CIITA: variants seen among roughly 807,000 people sequenced by gnomAD.
CIITA encodes the protein class II major histocompatibility complex transactivator.
A neutral mutation model predicts 115.1 loss-of-function variants in CIITA; 72 were observed. That is an observed-to-expected ratio of 0.63 (90% CI 0.52 to 0.76). The LOEUF (loss-of-function observed/expected upper bound fraction) is 0.76. Among genes scored for constraint, CIITA ranks in the 30% least tolerant of loss-of-function variants. The pLI, the probability that CIITA is intolerant of heterozygous loss-of-function variation, is 0.00. For synonymous variants in CIITA, 763 were observed against 635.6 expected (o/e 1.20, Z -3.02); for missense variants, 1,617 against 1,463.8 (o/e 1.10, Z -1.71).
At chr16:10,940,891 C>T (rs1284826062), downstream of CIITA, 1 of 152,378 alleles carries the variant, frequency 6.6e-6, no homozygotes, top group Non-Finnish European at 1.5e-5. This position sits in a 1 kb window ranked among gnomAD's most constrained non-coding sequence, Gnocchi z 4.2. Flanking sequence ...CGAGCCCTGG[C>T]ACCAGCTCCC....
At chr16:10,876,712 T>G (rs1169627317), upstream of CIITA, among the ~76,000 whole-genome samples, 1 of 152,222 alleles carries the variant, frequency 6.6e-6, no homozygotes, top group Non-Finnish European at 1.5e-5. Context: ...TCCAATGTCT[T>G]GGGATGAAAA....
At chr16:10,914,240 T>A (rs1452914978) in intron 13 of CIITA, among the ~76,000 whole-genome samples, 1 of 152,044 alleles carries the variant, frequency 6.6e-6, no homozygotes, top group Non-Finnish European at 1.5e-5. Flanking sequence ...TGGGGTGAAA[T>A]ATTTGAGGAG....
intron 13 of CIITA, among the ~76,000 whole-genome samples, chr16:10,910,653 GA>G (rs912671016): frequency 2.0e-5 from 3 of 152,212 alleles, no homozygotes; most frequent in Non-Finnish European, 4.4e-5. Flanking sequence ...GCTGAGTGGG[GA>G]GAGGGGAGTA....
At position 10,881,930 on chromosome 16, in the gene CIITA, CT is replaced by C. The variant is rs543310877; in HGVS notation, c.52+4553del. 2.6e-5 allele frequency among the ~76,000 whole-genome samples: 4 copies of C among 152,250 alleles called. No individual in the cohort carries two copies. In the East Asian group the frequency reaches 7.7e-4, roughly 29 times the overall value. ...ATAAATAGAATTACGTGATATTTGTCTTTTTGTGCCTGGCTTCTTTCACTTA... is the reference window on the plus strand; with the variant it reads ...ATAAATAGAATTACGTGATATTTGTCTTTTGTGCCTGGCTTCTTTCACTTA... On this transcript the variant is annotated intron_variant, in intron 1 of 19. Transcript: ENST00000324288.
intron 1 of CIITA, 124 bp from the exon 2 acceptor site, chr16:10,895,158 G>C: frequency 8.9e-7 from 1 of 1,127,706 alleles, no homozygotes; most frequent in Non-Finnish European, 1.3e-6. Flanking sequence ...AAGAGGTGCT[G>C]AATGAGCGCT....
chr16:10,933,138 T>C lies in CIITA; in HGVS notation c.*9283T>C, dbSNP rs994703905. The C allele has an allele frequency of 6.6e-6, 1 of 152,188 alleles. No homozygotes were observed. The highest frequency in any genetic ancestry group is 2.4e-5 in the African/African-American group (1 of 41,408). 9.4% of individuals were successfully genotyped at this position (152,188 alleles called of 1,614,324 possible). The stretch of plus-strand genomic sequence containing the variant: ...AGCAGACAAGTTATCAGCCACTAGA[T>C]TTTTTTCCCCCTTTCTGAAACTGTA... On this transcript the variant is annotated 3_prime_UTR_variant, in exon 20 of 20. Transcript: ENST00000324288.
At chr16:10,914,917 GA>G (rs2039844252) in intron 13 of CIITA, 1 of 364,022 alleles carries the variant, frequency 2.7e-6, no homozygotes, top group Admixed American at 3.4e-5. Context: ...GGCATTTCAG[GA>G]CCCCTTCCCC....
chr16:10,866,530 C>T (rs182074181), intron 1 of CIITA: 1 of 551,428 alleles, frequency 1.8e-6, no homozygotes, highest in Non-Finnish European at 3.6e-6. Flanking sequence ...TGGGCTGCAG[C>T]CCCCAGCAGC....
Position 10,886,842 on chromosome 16 carries a change from T to C in CIITA, c.53-8440T>C, listed in dbSNP as rs148142025. Among the ~76,000 whole-genome samples, 194 of 152,322 alleles carry C rather than the reference T, an allele frequency of 1.3e-3. 1 individual carries two copies. Among genetic ancestry groups the C allele is most frequent in the African/African-American group, 4.5e-3 (187 of 41,580 alleles). On this transcript the variant is annotated intron_variant, in intron 1 of 19. Transcript: ENST00000324288. The stretch of plus-strand genomic sequence containing the variant: ...TCACACAGCAAGTGTGGAACTAAGA[T>C]TTGAACCCAGAGCCTGCACCCTTAA...
At chr16:10,884,684 G>A (rs1190714481) in intron 1 of CIITA, among the ~76,000 whole-genome samples, 1 of 152,124 alleles carries the variant, frequency 6.6e-6, no homozygotes, top group African/African-American at 2.4e-5. Context: ...GCCTCCCAAA[G>A]TGCTGGGATT....
At chr16:10,873,270 T>C (rs543268310), upstream of CIITA, among the ~76,000 whole-genome samples, 1 of 152,338 alleles carries the variant, frequency 6.6e-6, no homozygotes, top group South Asian at 2.1e-4. Context: ...CCTGATAATG[T>C]GTCTTTCAAA....
chr16:10,887,496 C>CTT (rs35292035), intron 1 of CIITA, among the ~76,000 whole-genome samples: 3 of 144,462 alleles, frequency 2.1e-5, no homozygotes, highest in Non-Finnish European at 3.0e-5. Context: ...CCTTCTCAAG[C>CTT]TTTTTTTTTT....
At chr16:10,917,871 G>A (rs9788916) in intron 15 of CIITA, among the ~76,000 whole-genome samples, 21,549 of 152,118 alleles carry the variant, frequency 0.14, 1,848 homozygotes, top group Admixed American at 0.27. Flanking sequence ...ATAATTTACC[G>A]GAATTTACTT....
At chr16:10,922,639 C>T in intron 18 of CIITA, 149 bp downstream of exon 18, 2 of 806,672 alleles carry the variant, frequency 2.5e-6, no homozygotes, top group East Asian at 2.7e-5. Context: ...TCAGCTTCTT[C>T]ATCTGTAAAG....
chr16:10,940,002 A>C (rs1178180707), downstream of CIITA: 1 of 152,298 alleles, frequency 6.6e-6, no homozygotes, highest in African/African-American at 2.4e-5. This position sits in a 1 kb window ranked among gnomAD's most constrained non-coding sequence, Gnocchi z 4.2. Flanking sequence ...AGGTGTGCAG[A>C]GCACCTGGCA....
At position 10,909,144 on chromosome 16, in the gene CIITA, C is replaced by G. The variant is rs1193901367; in HGVS notation, c.2773C>G (p.Leu925Val). 4 of 1,614,116 alleles carry G rather than the reference C, an allele frequency of 2.5e-6. No individual in the cohort carries two copies. Among genetic ancestry groups the G allele is most frequent in the Non-Finnish European group, 3.4e-6 (4 of 1,180,058 alleles). The change falls in exon 12 of 20, where the codon CTG becomes GTG. Residue 925 changes from leucine (L) to valine (V), a missense_variant. By Grantham distance (32) the Leu-to-Val change is conservative (BLOSUM62 1). Coordinates refer to ENST00000324288, the MANE Select transcript of CIITA (RefSeq NM_000246.4). ...FTIEPFKAKS[L>V]KDVEDLGKLV... ...CATCGAGCCTTTCAAAGCCAAGTCCCTGAAGGATGTGGAAGACCTGGGAAA... is the reference window on the plus strand; with the variant it reads ...CATCGAGCCTTTCAAAGCCAAGTCCGTGAAGGATGTGGAAGACCTGGGAAA...
rs557384813 is a variant in CIITA at position 10,923,832 on chromosome 16, T to C, written c.*23-46T>C. Reference sequence around the variant, plus strand: ...TTCCCAGGTGTCAAGCTGCCCCTCCTAGAGTGTCCTGCCTAAACCCCCTCT... The same window carrying C: ...TTCCCAGGTGTCAAGCTGCCCCTCCCAGAGTGTCCTGCCTAAACCCCCTCT... On this transcript the variant is annotated intron_variant, in intron 19 of 19. Coordinates refer to ENST00000324288, the MANE Select transcript of CIITA (RefSeq NM_000246.4). This position sits in a 1 kb window ranked among gnomAD's most constrained non-coding sequence, Gnocchi z 5.2. 144 of 176,022 alleles carry C rather than the reference T, an allele frequency of 8.2e-4. No individual in the cohort carries two copies. Among genetic ancestry groups the C allele is most frequent in the Middle Eastern group, 2.5e-3 (1 of 398 alleles). 10.9% of individuals were successfully genotyped at this position (176,022 alleles called of 1,614,324 possible).
chr16:10,900,654 C>A (rs192837575), intron 5 of CIITA, among the ~76,000 whole-genome samples: 2 of 151,824 alleles, frequency 1.3e-5, no homozygotes, highest in South Asian at 4.2e-4. Context: ...GTGGGAGAAT[C>A]GCTTGAACCT....
intron 2 of CIITA, 28 bp downstream of exon 2, chr16:10,895,456 C>G (rs1398366117): frequency 7.4e-6 from 12 of 1,611,486 alleles, no homozygotes; most frequent in Non-Finnish European, 1.0e-5. Context: ...TGGTCTCTTC[C>G]GGTATCCCCC....
Sources: gnomAD v4.1 joint callset for allele counts (sites outside exome capture counted in the v4.1 genomes callset) on GRCh38, gnomAD v4.1.1 for gene constraint, Gnocchi (gnomAD v3.1) non-coding constraint, MANE v1.5 for transcripts, NCBI Gene and HGNC (gene_info 2026-07-23, HGNC 2026-07-21) for gene names.